CD4: variants seen among roughly 807,000 people sequenced by gnomAD.
CD4 encodes the protein CD4 molecule.
Under a neutral mutation model 50.5 loss-of-function variants are expected in CD4, and 25 were observed. That is an observed-to-expected ratio of 0.49 (90% CI 0.36 to 0.69). The LOEUF is 0.69. Ranked by LOEUF, CD4 falls within the 30% of genes least tolerant of loss-of-function variation. The pLI is 0.00. For synonymous variants in CD4, 207 were observed against 221.9 expected (o/e 0.93, Z 0.60); for missense variants, 456 against 548.5 (o/e 0.83, Z 1.68).
Position 6,800,358 on chromosome 12 carries a change from G to A in CD4, c.101G>A (p.Gly34Glu). ...AAGAAAGTGGTGCTGGGCAAAAAAG[G>A]GGATACAGTGGAACTGACCTGTACA... ...QGKKVVLGKKGDTVELTCTAS... is the reference protein window; with the variant it reads ...QGKKVVLGKKEDTVELTCTAS... The change falls in exon 3 of 10, where the codon GGG becomes GAG. Residue 34 changes from glycine to glutamate, a missense_variant. By Grantham distance (98) the Gly-to-Glu change is moderately conservative. Transcript: ENST00000011653. The A allele has an allele frequency of 6.2e-7, 1 of 1,614,088 alleles. No individual in the cohort carries two copies. The highest frequency in any genetic ancestry group is 8.5e-7 in the Non-Finnish European group (1 of 1,180,008).
chr12:6,807,149 G>C (rs12298479), intron 3 of CD4, among the ~76,000 whole-genome samples: 2,915 of 149,596 alleles, frequency 0.019, 89 homozygotes, highest in African/African-American at 0.068. Context: ...CCTGGGAGAC[G>C]GAGGGAGACT....
chr12:6,801,227 A>C (rs555201727), intron 3 of CD4, among the ~76,000 whole-genome samples: 1 of 151,674 alleles, frequency 6.6e-6, no homozygotes, highest in East Asian at 2.0e-4. Flanking sequence ...TTTTAATTAA[A>C]AAAAAAAAGG....
chr12:6,793,506 C>G (rs149939352), intron 1 of CD4, among the ~76,000 whole-genome samples: 52 of 152,280 alleles, frequency 3.4e-4, no homozygotes, highest in African/African-American at 1.0e-3. Flanking sequence ...CAGCCTTCCC[C>G]TAGATGCCTC....
intron 3 of CD4, among the ~76,000 whole-genome samples, chr12:6,803,552 T>A (rs1555115705): frequency 8.3e-5 from 12 of 145,048 alleles, no homozygotes; most frequent in East Asian, 4.2e-4. Context: ...TGGGAGGCTG[T>A]GGCAGGCGGA....
At position 6,818,483 on chromosome 12, in the gene CD4, G is replaced by A. The variant is rs782745228; in HGVS notation, c.1219G>A (p.Gly407Ser). ...CCTGATTGTGCTGGGGGGCGTCGCC[G>A]GCCTCCTGCTTTTCATTGGGCTAGG... ...MALIVLGGVA[G>S]LLLFIGLGIF... is the part of the protein sequence containing the mutation. The change falls in exon 8 of 10, where the codon GGC (glycine) becomes AGC (serine). Residue 407 changes from glycine (G) to serine (S), a missense_variant. By Grantham distance (56) the Gly-to-Ser change is moderately conservative (BLOSUM62 0). Transcript: ENST00000011653. The surrounding 1 kb of genome is among the most constrained non-coding windows in gnomAD (Gnocchi z 5.0). The A allele has an allele frequency of 9.3e-6, 15 of 1,612,858 alleles. No individual in the cohort carries two copies. Among genetic ancestry groups the A allele is most frequent in the East Asian group, 2.2e-5 (1 of 44,888 alleles).
intron 3 of CD4, among the ~76,000 whole-genome samples, chr12:6,808,902 C>A (rs1260638850): frequency 6.6e-6 from 1 of 152,042 alleles, no homozygotes; most frequent in East Asian, 1.9e-4. Context: ...TTGGGGGGGG[C>A]AATTTTATAA....
intron 3 of CD4, among the ~76,000 whole-genome samples, chr12:6,802,447 T>C (rs529314022): frequency 1.3e-5 from 2 of 151,950 alleles, no homozygotes; most frequent in Non-Finnish European, 2.9e-5. Context: ...TAGCTGGGAC[T>C]ACAGGTGCAC....
chr12:6,805,127 G>A (rs1332461551), intron 3 of CD4, among the ~76,000 whole-genome samples: 1 of 135,074 alleles, frequency 7.4e-6, no homozygotes, highest in African/African-American at 2.8e-5. Context: ...CAAGGCTGCA[G>A]TGAGCCATGA....
intron 1 of CD4, among the ~76,000 whole-genome samples, chr12:6,793,962 A>T (rs990267918): frequency 3.0e-4 from 12 of 40,670 alleles, no homozygotes; most frequent in African/African-American, 2.2e-3. Context: ...CCCGGCTTCT[A>T]TCTATCTATA....
intron 3 of CD4, 29 bp downstream of exon 3, chr12:6,800,500 A>C: frequency 1.3e-6 from 2 of 1,591,922 alleles, no homozygotes; most frequent in Admixed American, 3.5e-5. Context: ...CCATCCAGGG[A>C]GGAAAACACA....
intron 3 of CD4, among the ~76,000 whole-genome samples, chr12:6,805,192 A>C (rs1326212872): frequency 1.2e-5 from 1 of 86,548 alleles, no homozygotes; most frequent in African/African-American, 4.0e-5. Flanking sequence ...CTCAAAAAAA[A>C]AAAAAAAAAA....
At chr12:6,815,043 A>G (rs1555117703) in intron 5 of CD4, 51 bp downstream of exon 5, 1 of 1,273,714 alleles carries the variant, frequency 7.9e-7, no homozygotes, top group Admixed American at 2.0e-5. Flanking sequence ...AGGGGCTGAC[A>G]GCCCCTCCCT....
intron 3 of CD4, among the ~76,000 whole-genome samples, chr12:6,805,896 T>A (rs1942739844): frequency 6.6e-6 from 1 of 151,806 alleles, no homozygotes; most frequent in African/African-American, 2.4e-5. Flanking sequence ...GAGCTATGAT[T>A]GTGTCACTGC....
At chr12:6,790,055 G>C (rs1306680671) in intron 1 of CD4, among the ~76,000 whole-genome samples, 2 of 152,078 alleles carry the variant, frequency 1.3e-5, no homozygotes, top group African/African-American at 4.8e-5. Context: ...AGGAGAAAAA[G>C]AGTGAAGAAG....
intron 3 of CD4, among the ~76,000 whole-genome samples, chr12:6,802,835 C>G (rs1591549954): frequency 6.6e-6 from 1 of 152,070 alleles, no homozygotes; most frequent in East Asian, 1.9e-4. Context: ...CTCCCAGGTT[C>G]AAGCAATTCT....
At chr12:6,812,980 T>C (rs1942982688) in intron 3 of CD4, among the ~76,000 whole-genome samples, 2 of 151,932 alleles carry the variant, frequency 1.3e-5, no homozygotes, top group South Asian at 2.1e-4. Context: ...TGATCATAGC[T>C]CACTGCAGCC....
rs1555117778 is a variant in CD4, at chr12:6,815,617, A to AACTGCCATAGTGACTACCTCGTATT, written c.608-437_608-413dup. 1.1e-5 allele frequency: 9 copies of AACTGCCATAGTGACTACCTCGTATT among 802,278 alleles called. No homozygotes were observed. The African/African-American group carries it at 1.6e-4, about 14-fold the overall frequency. 49.7% of individuals were successfully genotyped at this position (802,278 alleles called of 1,614,324 possible). A position where few individuals can be genotyped will look rare whatever the true frequency, so the allele number is the denominator to read the frequency against. On this transcript the variant is annotated intron_variant, in intron 5 of 9. Coordinates refer to ENST00000011653, the MANE Select transcript of CD4 (RefSeq NM_000616.5). The stretch of plus-strand genomic sequence containing the variant: ...GCCTCTGTGAAATGGGGATGATGTT[A>AACTGCCATAGTGACTACCTCGTATT]ACTGCCATAGTGACTACCTCGTATT...
At chr12:6,797,682 C>T (rs942307681) in intron 1 of CD4, among the ~76,000 whole-genome samples, 1 of 152,120 alleles carries the variant, frequency 6.6e-6, no homozygotes, top group Non-Finnish European at 1.5e-5. Flanking sequence ...GACTCTGTGT[C>T]ATAAATAAGT....
Position 6,816,451 on chromosome 12 carries a change from G to T in CD4, c.955+48G>T. ...GGTGGGCAGGGGAAGGAGTTGGAGG[G>T]GCCTGGCCCAGGGCTCCCTCTGAGG... On this transcript the variant is annotated intron_variant, in intron 6 of 9. Transcript: ENST00000011653. This position sits in a 1 kb window ranked among gnomAD's most constrained non-coding sequence, Gnocchi z 4.9. The T allele has an allele frequency of 6.8e-7, 1 of 1,479,132 alleles. No homozygotes were observed. Among genetic ancestry groups the T allele is most frequent in the South Asian group, 1.3e-5 (1 of 78,748 alleles). The allele number at this position is 1,479,132 out of a possible 1,614,324, so 91.6% of individuals were successfully genotyped here.
Sources: gnomAD v4.1 joint callset for allele counts (sites outside exome capture counted in the v4.1 genomes callset) on GRCh38, gnomAD v4.1.1 for gene constraint, Gnocchi (gnomAD v3.1) non-coding constraint, MANE v1.5 for transcripts, NCBI Gene and HGNC (gene_info 2026-07-23, HGNC 2026-07-21) for gene names.